The following ZFP2 variants were observed in gnomAD, a reference collection of about 807,000 sequenced individuals.
The protein encoded by ZFP2 is ZFP2 zinc finger protein, also known as zinc finger protein ZFP2.
A neutral mutation model predicts 36.1 loss-of-function variants in ZFP2; 33 were observed. That is an observed-to-expected ratio of 0.92 (90% confidence interval 0.69 to 1.22). The LOEUF (loss-of-function observed/expected upper bound fraction) is 1.22. Ranked by LOEUF, ZFP2 falls within the 50% of genes most tolerant of loss-of-function variation. The pLI, the probability that ZFP2 is intolerant of heterozygous loss-of-function variation, is 0.00. For missense variants in ZFP2, 522 were observed against 551.4 expected, an observed-to-expected ratio of 0.95 and a Z score of 0.53; for synonymous variants, 170 against 178.0, an observed-to-expected ratio of 0.96 and a Z score of 0.36.
intron 1 of ZFP2, among the ~76,000 whole-genome samples, chr5:178,908,347 C>T (rs567346174): frequency 5.3e-5 from 8 of 150,956 alleles, no homozygotes; most frequent in South Asian, 4.2e-4. Context: ...CTCAGGAGGC[C>T]GAGGCAGGAG....
chr5:178,906,012 C>T (rs979586542), intron 1 of ZFP2, among the ~76,000 whole-genome samples: 10 of 152,192 alleles, frequency 6.6e-5, no homozygotes, highest in Non-Finnish European at 1.2e-4. Context: ...GCCTTGGCCT[C>T]CCAAAGTGCT....
chr5:178,908,978 G>C (rs1195615421), intron 1 of ZFP2, among the ~76,000 whole-genome samples: 1 of 146,880 alleles, frequency 6.8e-6, no homozygotes, highest in Non-Finnish European at 1.5e-5. Context: ...AGTGCTAAAG[G>C]GTGGAAGGCT....
At chr5:178,916,290 G>A (rs963506210) in intron 3 of ZFP2, among the ~76,000 whole-genome samples, 2 of 152,206 alleles carry the variant, frequency 1.3e-5, no homozygotes, top group South Asian at 2.1e-4. Flanking sequence ...AGAGAAATAC[G>A]CTGTGGGCAG....
chr5:178,923,228 G>A (rs967019949), intron 4 of ZFP2, among the ~76,000 whole-genome samples: 1 of 149,308 alleles, frequency 6.7e-6, no homozygotes, highest in African/African-American at 2.4e-5. Context: ...AACCAGCACC[G>A]CCATCCGTCT....
intron 1 of ZFP2, among the ~76,000 whole-genome samples, chr5:178,901,793 G>GTTT (rs1217302456): frequency 9.3e-6 from 1 of 107,498 alleles, no homozygotes; most frequent in Non-Finnish European, 2.3e-5. Flanking sequence ...TGGTTTTTTG[G>GTTT]TTTGTTTTTT....
chr5:178,901,114 A>G (rs1758050002), intron 1 of ZFP2, among the ~76,000 whole-genome samples: 2 of 152,208 alleles, frequency 1.3e-5, no homozygotes, highest in Admixed American at 6.5e-5. Flanking sequence ...GCTATTATGA[A>G]TAAAACTGCT....
chr5:178,918,204 A>G (rs1482630279), intron 4 of ZFP2, among the ~76,000 whole-genome samples: 4 of 152,212 alleles, frequency 2.6e-5, no homozygotes, highest in African/African-American at 9.6e-5. Flanking sequence ...GAGCACCCAG[A>G]ACAGTACCTG....
chr5:178,907,235 A>G (rs1326726676), intron 1 of ZFP2, among the ~76,000 whole-genome samples: 1 of 152,144 alleles, frequency 6.6e-6, no homozygotes, highest in Non-Finnish European at 1.5e-5. Flanking sequence ...CACTCTTCCT[A>G]TACTTTATAC....
intron 4 of ZFP2, 35 bp from the exon 5 acceptor site, chr5:178,931,202 A>G: frequency 2.0e-6 from 3 of 1,493,232 alleles, no homozygotes; most frequent in Middle Eastern, 2.1e-4. Context: ...CTAGCACAGA[A>G]ACCAATGTGC....
At chr5:178,909,461 GGGCCTTTGCAGCCTCCATACTAGCATT>G (rs1758242979) in intron 1 of ZFP2, among the ~76,000 whole-genome samples, 1 of 152,092 alleles carries the variant, frequency 6.6e-6, no homozygotes, top group Non-Finnish European at 1.5e-5. Flanking sequence ...CCAGAGCTTG[GGGCCTTTGCAGCCTCCATACTAGCATT>G]GGCCCCCTGG....
chr5:178,912,995 C>T lies in ZFP2; in HGVS notation c.-300C>T. On this transcript the variant is annotated 5_prime_UTR_variant, in exon 3 of 5. Coordinates refer to ENST00000361362, the MANE Select transcript of ZFP2 (RefSeq NM_030613.4). ...CCTCTTAAGCAGGAAATCACCTTTC[C>T]AAACCCAATGGGACTTCCCAGCTGG... 1 of 985,892 alleles carries T rather than the reference C, an allele frequency of 1.0e-6. No individual in the cohort carries two copies. Among genetic ancestry groups the T allele is most frequent in the Non-Finnish European group, 1.2e-6 (1 of 829,958 alleles). 61.1% of individuals were successfully genotyped at this position (985,892 alleles called of 1,614,324 possible).
At chr5:178,896,352 C>A (rs752759605) in intron 1 of ZFP2, among the ~76,000 whole-genome samples, 1 of 152,234 alleles carries the variant, frequency 6.6e-6, no homozygotes, top group South Asian at 2.1e-4. Context: ...ACCCGGGTTC[C>A]TCCCTGGCTT....
Position 178,932,435 on chromosome 5 carries a change from C to A in ZFP2, c.1122C>A (p.Val374=). 1 of 1,613,790 alleles carries A rather than the reference C, an allele frequency of 6.2e-7. No individual in the cohort carries two copies. The highest frequency in any genetic ancestry group is 1.1e-5 in the South Asian group (1 of 91,020). The change falls in exon 5 of 5, where the codon GTC becomes GTA. Residue 374 remains valine, a synonymous_variant. Transcript: ENST00000361362. ...GATCATCCCTTACCGTGCATCAGGT[C>A]ATTCACACTGGAGAGAAACCTTATG... ...TGRSSLTVHQ[V]IHTGEKPYEC...
intron 2 of ZFP2, 86 bp downstream of exon 2, chr5:178,912,805 G>T (rs1302003332): frequency 2.0e-6 from 2 of 982,298 alleles, no homozygotes; most frequent in Non-Finnish European, 2.5e-6. Flanking sequence ...TTTGCTTGGT[G>T]TCCTCTCTTT....
rs1037910740 is a variant in ZFP2, at chr5:178,932,111, A to T, written c.798A>T (p.Gly266=). 6.2e-7 allele frequency: 1 copy of T among 1,612,958 alleles called. No individual in the cohort carries two copies. The highest frequency in any genetic ancestry group is 8.5e-7 in the Non-Finnish European group (1 of 1,179,088). The change falls in exon 5 of 5, where the codon GGA becomes GGT. Residue 266 remains glycine, a synonymous_variant. Coordinates refer to ENST00000361362, the MANE Select transcript of ZFP2 (RefSeq NM_030613.4). The part of the protein sequence containing the change: ...HLIVHQRSHT[G]EKPYECSQCG... The stretch of plus-strand genomic sequence containing the variant: ...TTGTACATCAGAGAAGCCATACTGG[A>T]GAAAAACCCTATGAGTGTAGTCAAT...
chr5:178,930,306 T>C (rs1244771425), intron 4 of ZFP2, among the ~76,000 whole-genome samples: 3 of 140,630 alleles, frequency 2.1e-5, no homozygotes, highest in South Asian at 2.2e-4. Flanking sequence ...TCTTTTTTTT[T>C]CCCTTTCCTT....
intron 1 of ZFP2, among the ~76,000 whole-genome samples, chr5:178,906,149 A>C (rs911784801): frequency 1.1e-4 from 16 of 152,144 alleles, no homozygotes; most frequent in African/African-American, 3.9e-4. Context: ...TTCACAATAG[A>C]AGCTCTGCGC....
At chr5:178,899,001 T>G (rs1227280736) in intron 1 of ZFP2, among the ~76,000 whole-genome samples, 1 of 152,066 alleles carries the variant, frequency 6.6e-6, no homozygotes, top group Non-Finnish European at 1.5e-5. Context: ...AATATGGTAA[T>G]AAGAACAAGT....
At chr5:178,910,834 C>T (rs1469059362) in intron 1 of ZFP2, among the ~76,000 whole-genome samples, 1 of 152,164 alleles carries the variant, frequency 6.6e-6, no homozygotes, top group Non-Finnish European at 1.5e-5. Context: ...ACCACCCCTT[C>T]TTCCACCACT....
Sources: gnomAD v4.1 joint callset for allele counts (sites outside exome capture counted in the v4.1 genomes callset) on GRCh38, gnomAD v4.1.1 for gene constraint, MANE v1.5 for transcripts, NCBI Gene and HGNC (gene_info 2026-07-23, HGNC 2026-07-21) for gene names.